The following SLC35D2 variants were observed in gnomAD, a reference collection of about 807,000 sequenced individuals.
The protein encoded by SLC35D2 is nucleotide sugar transporter SLC35D2.
In SLC35D2, 43 loss-of-function variants were observed where a neutral mutation model predicts 41.8. The observed-to-expected ratio is 1.03, with a 90% CI of 0.81 to 1.33. The LOEUF is 1.33. Ranked by LOEUF, SLC35D2 falls within the 40% of genes most tolerant of loss-of-function variation. The probability of loss-of-function intolerance (pLI) is 0.00; values close to 1 mark genes in which losing one functional copy is unlikely to be tolerated. For missense variants in SLC35D2, 380 were observed against 408.4 expected, an observed-to-expected ratio of 0.93 and a Z score of 0.60; for synonymous variants, 150 against 163.9, an observed-to-expected ratio of 0.92 and a Z score of 0.65.
In SLC35D2 at chr9:96,383,680, C is replaced by A. The variant is rs1161647588; in HGVS notation, c.-46G>T. The A allele has an allele frequency of 2.0e-6, 2 of 991,524 alleles. No homozygotes were observed. The highest frequency in any genetic ancestry group is 1.1e-4 in the East Asian group (1 of 9,184). 61.4% of individuals were successfully genotyped at this position (991,524 alleles called of 1,614,324 possible). A position where few individuals can be genotyped will look rare whatever the true frequency, so the allele number is the denominator to read the frequency against. On this transcript the variant is annotated 5_prime_UTR_variant, in exon 1 of 12. Transcript: ENST00000253270. ...CCGCCGCCCGCCAGCCCCGGCTGCG[C>A]ACTGGTCCCGCCCGGCCGGGCCGGG...
intron 6 of SLC35D2, among the ~76,000 whole-genome samples, chr9:96,346,518 G>C (rs533129584): frequency 1.3e-5 from 2 of 152,264 alleles, no homozygotes; most frequent in African/African-American, 4.8e-5. Flanking sequence ...TGATTCCCTG[G>C]TTTTTAGGCA....
intron 7 of SLC35D2, among the ~76,000 whole-genome samples, chr9:96,344,197 C>T (rs911488788): frequency 6.6e-6 from 1 of 152,092 alleles, no homozygotes; most frequent in Non-Finnish European, 1.5e-5. Flanking sequence ...ATTTGTTTTA[C>T]ACCAAAACTA....
In SLC35D2 at chr9:96,322,017, A is replaced by C. The variant is rs745817706; in HGVS notation, c.895T>G (p.Phe299Val). 1 of 1,601,392 alleles carries C rather than the reference A, an allele frequency of 6.2e-7. No homozygotes were observed. The highest frequency in any genetic ancestry group is 1.1e-5 in the South Asian group (1 of 90,314). Residue 299 changes from phenylalanine (F) to valine (V), a missense_variant, in exon 11 of 12, where the codon TTT (phenylalanine) becomes GTT (valine). By Grantham distance (50) the Phe-to-Val change is conservative (BLOSUM62 -1). Coordinates refer to ENST00000253270, the MANE Select transcript of SLC35D2 (RefSeq NM_007001.3). ...GGDYIFSLLNFVGLNICMAGG... is the reference protein window; with the variant it reads ...GGDYIFSLLNVVGLNICMAGG... Reference sequence around the variant, plus strand: ...ACTCACCAAATATTTAACCCTACAAAGTTTAACAAAGAGAAAATGTAGTCT... The same window carrying C: ...ACTCACCAAATATTTAACCCTACAACGTTTAACAAAGAGAAAATGTAGTCT...
downstream of SLC35D2, among the ~76,000 whole-genome samples, chr9:96,315,813 G>T (rs1204910016): frequency 1.3e-5 from 2 of 151,936 alleles, no homozygotes; most frequent in African/African-American, 2.4e-5. Flanking sequence ...ATTTTTAAAT[G>T]CACAAAATTA....
intron 6 of SLC35D2, 45 bp from the exon 7 acceptor site, chr9:96,345,446 C>T: frequency 8.6e-7 from 1 of 1,165,614 alleles, no homozygotes; most frequent in South Asian, 1.3e-5. Flanking sequence ...CAAAAACTCA[C>T]AACTTGGCCT....
At chr9:96,347,948 G>A (rs1398332893) in intron 6 of SLC35D2, among the ~76,000 whole-genome samples, 6 of 152,166 alleles carry the variant, frequency 3.9e-5, no homozygotes, top group Non-Finnish European at 8.8e-5. Context: ...GGTCTAAAAG[G>A]GGAGACATGA....
intron 1 of SLC35D2, among the ~76,000 whole-genome samples, chr9:96,371,722 T>C (rs1043812934): frequency 2.7e-5 from 2 of 73,738 alleles, no homozygotes; most frequent in East Asian, 2.4e-4. Context: ...AAATTTCTTT[T>C]TTTTTTTTTT....
In SLC35D2 at chr9:96,322,725, T is replaced by TTG. The variant is rs571366682; in HGVS notation, c.832-646_832-645insCA. Reference sequence around the variant, plus strand: ...TAGTGAGGTTTTCTGGGGTTTTTTTTTTTTTTTTTTTGAGACAGAGTCTCA... The same window carrying TTG: ...TAGTGAGGTTTTCTGGGGTTTTTTTTTGTTTTTTTTTTTGAGACAGAGTCTCA... On this transcript the variant is annotated intron_variant, in intron 10 of 11. Coordinates refer to ENST00000253270, the MANE Select transcript of SLC35D2 (RefSeq NM_007001.3). 5.4e-3 allele frequency among the ~76,000 whole-genome samples: 771 copies of TTG among 143,598 alleles called. 13 individuals are homozygous for TTG. Among genetic ancestry groups the TTG allele is most frequent in the African/African-American group, 0.019 (707 of 37,870 alleles). 94.2% of individuals were successfully genotyped at this position (143,598 alleles called of 152,430 possible). A position where few individuals can be genotyped will look rare whatever the true frequency, so the allele number is the denominator to read the frequency against.
At position 96,335,613 on chromosome 9, in the gene SLC35D2, GCCTC is replaced by G. The variant is rs1438321186; in HGVS notation, c.752+1100_752+1103del. On this transcript the variant is annotated intron_variant, in intron 9 of 11. Coordinates refer to ENST00000253270, the MANE Select transcript of SLC35D2 (RefSeq NM_007001.3). ...GAACTCAGGTGATCCACCTGCCTCA[GCCTC>G]CCTATTTATTCTTTTGCACCTTTTT... 3.3e-5 allele frequency among the ~76,000 whole-genome samples: 5 copies of G among 152,090 alleles called. No individual in the cohort carries two copies. In the East Asian group the frequency reaches 7.7e-4, roughly 23 times the overall value.
intron 9 of SLC35D2, 72 bp downstream of exon 9, chr9:96,336,645 G>T (rs1564094475): frequency 2.3e-6 from 2 of 881,224 alleles, no homozygotes; most frequent in Non-Finnish European, 1.8e-6. Flanking sequence ...AGAATAGACA[G>T]AAGGCATATC....
In SLC35D2 at chr9:96,322,055, A is replaced by T; in HGVS notation, c.857T>A (p.Ile286Lys). Residue 286 changes from isoleucine to lysine, a missense_variant, in exon 11 of 12, where the codon ATA (isoleucine) becomes AAA (lysine). Transcript: ENST00000253270. ...GAAAATGTAGTCTCCACCGATTAATATCCCAATGTAGGCAACGGATACATT... is the reference window on the plus strand; with the variant it reads ...GAAAATGTAGTCTCCACCGATTAATTTCCCAATGTAGGCAACGGATACATT... Reference protein sequence around the residue: ...IKNVSVAYIGILIGGDYIFSL... With the variant: ...IKNVSVAYIGKLIGGDYIFSL... 1 of 1,606,662 alleles carries T rather than the reference A, an allele frequency of 6.2e-7. No individual in the cohort carries two copies. Among genetic ancestry groups the T allele is most frequent in the Non-Finnish European group, 8.5e-7 (1 of 1,173,730 alleles).
At chr9:96,363,934 A>G (rs953443358) in intron 3 of SLC35D2, among the ~76,000 whole-genome samples, 1 of 152,234 alleles carries the variant, frequency 6.6e-6, no homozygotes, top group Non-Finnish European at 1.5e-5. Context: ...CACAGTATTC[A>G]TTTATTTGAT....
intron 1 of SLC35D2, among the ~76,000 whole-genome samples, chr9:96,379,164 G>A (rs185317836): frequency 2.0e-4 from 29 of 146,800 alleles, no homozygotes; most frequent in African/African-American, 6.3e-4. Flanking sequence ...AAAATTAGCC[G>A]GGTGTGGTGG....
In SLC35D2 at chr9:96,352,078, T is replaced by G. The variant is rs1351795349; in HGVS notation, c.379A>C (p.Thr127Pro). The change falls in exon 5 of 12, where the codon ACC becomes CCC. Residue 127 changes from threonine to proline, a missense_variant. Thr to Pro is a conservative substitution (Grantham distance 38, BLOSUM62 -1). Coordinates refer to ENST00000253270, the MANE Select transcript of SLC35D2 (RefSeq NM_007001.3). ...LPMFTVLRKF[T>P]IPLTLLLETI... The stretch of plus-strand genomic sequence containing the variant: ...TCCAGAAGTAAGGTAAGTGGAATGG[T>G]GAATTTCCTGAGCACGGTGAACATC... 6.2e-7 allele frequency: 1 copy of G among 1,612,472 alleles called. No individual in the cohort carries two copies. The highest frequency in any genetic ancestry group is 2.2e-5 in the East Asian group (1 of 44,802).
intron 6 of SLC35D2, among the ~76,000 whole-genome samples, chr9:96,350,348 T>TC (rs1829763131): frequency 2.8e-5 from 2 of 70,736 alleles, no homozygotes; most frequent in African/African-American, 7.6e-5. Flanking sequence ...TTTTCTTTCC[T>TC]TTTTTTTTTT....
At chr9:96,337,125 T>C (rs954236427) in intron 8 of SLC35D2, among the ~76,000 whole-genome samples, 24 of 152,256 alleles carry the variant, frequency 1.6e-4, no homozygotes, top group African/African-American at 5.8e-4. Context: ...ACTGACTTTA[T>C]ACACCTTTAC....
intron 4 of SLC35D2, among the ~76,000 whole-genome samples, chr9:96,352,362 C>T (rs1240801000): frequency 2.0e-5 from 3 of 151,886 alleles, no homozygotes; most frequent in Non-Finnish European, 4.4e-5. Flanking sequence ...CGCTGTGTTG[C>T]CCAGGCTGTA....
At chr9:96,361,793 G>A (rs1430540499) in intron 3 of SLC35D2, among the ~76,000 whole-genome samples, 2 of 151,988 alleles carry the variant, frequency 1.3e-5, no homozygotes, top group Non-Finnish European at 2.9e-5. Flanking sequence ...CAGTGAGAAG[G>A]TGGCCGTCTG....
At chr9:96,373,685 C>CT (rs1830809707) in intron 1 of SLC35D2, among the ~76,000 whole-genome samples, 2 of 114,170 alleles carry the variant, frequency 1.8e-5, no homozygotes, top group African/African-American at 2.9e-5. Flanking sequence ...AAGACTCTCT[C>CT]AAAAAAAAAA....
Sources: allele counts gnomAD v4.1 joint callset (sites outside exome capture counted in the v4.1 genomes callset), GRCh38; gene constraint gnomAD v4.1.1; transcripts MANE v1.5; gene names NCBI Gene and HGNC (gene_info 2026-07-23, HGNC 2026-07-21).